The following RARB variants were observed in gnomAD, a reference collection of about 807,000 sequenced individuals.
RARB encodes the protein retinoic acid receptor beta, also known as HBV-activated protein.
RARB carries 17 observed loss-of-function variants against 51.9 expected under a neutral mutation model. The ratio of observed to expected loss-of-function variants is 0.33; its 90% CI spans 0.22 to 0.49. The LOEUF (loss-of-function observed/expected upper bound fraction) is 0.49, where lower values mean the gene tolerates loss of function less well. Among genes scored for constraint, RARB ranks in the 20% least tolerant of loss-of-function variants. The pLI is 0.99. For missense variants in RARB, 369 were observed against 550.8 expected, an observed-to-expected ratio of 0.67 and a Z score of 3.30; for synonymous variants, 215 against 195.4, an observed-to-expected ratio of 1.10 and a Z score of -0.84.
intron 3 of RARB, among the ~76,000 whole-genome samples, chr3:25,065,698 G>T (rs929336486): frequency 2.6e-5 from 4 of 152,168 alleles, no homozygotes; most frequent in Non-Finnish European, 5.9e-5. Context: ...ATGACACTTC[G>T]TACCATATCT....
intron 5 of RARB, among the ~76,000 whole-genome samples, chr3:25,308,990 G>C (rs745362463): frequency 4.6e-5 from 7 of 151,920 alleles, no homozygotes; most frequent in Admixed American, 2.6e-4. Flanking sequence ...ATTCACCTTT[G>C]GGGAAACCAC....
chr3:25,425,252 T>C (rs192825158), upstream of RARB, among the ~76,000 whole-genome samples: 78 of 152,314 alleles, frequency 5.1e-4, 2 homozygotes, highest in Middle Eastern at 6.8e-3. Context: ...ACCCTACTCA[T>C]TAATCTTTAT....
intron 5 of RARB, among the ~76,000 whole-genome samples, chr3:25,412,164 G>T (rs1334058971): frequency 6.6e-6 from 1 of 152,138 alleles, no homozygotes; most frequent in Non-Finnish European, 1.5e-5. Context: ...TTGGGGACTG[G>T]ACAGCAGACA....
chr3:25,270,471 A>G (rs1289272362), intron 5 of RARB, among the ~76,000 whole-genome samples: 1 of 152,172 alleles, frequency 6.6e-6, no homozygotes, highest in Non-Finnish European at 1.5e-5. Flanking sequence ...TTAAAATGGT[A>G]AAAATGTTAT....
chr3:24,976,428 T>C (rs890142950), intron 2 of RARB, among the ~76,000 whole-genome samples: 30 of 152,114 alleles, frequency 2.0e-4, no homozygotes, highest in Admixed American at 2.6e-4. Context: ...CTCTCCAGCG[T>C]CTGTTGTTTC....
At chr3:25,140,214 G>C (rs951659465) in intron 4 of RARB, among the ~76,000 whole-genome samples, 2 of 152,260 alleles carry the variant, frequency 1.3e-5, no homozygotes, top group Middle Eastern at 6.8e-3. Flanking sequence ...AGCTGCCATA[G>C]ATAGTGATTT....
At chr3:25,140,573 G>A (rs907162871) in intron 4 of RARB, among the ~76,000 whole-genome samples, 2 of 152,240 alleles carry the variant, frequency 1.3e-5, no homozygotes, top group East Asian at 1.9e-4. Flanking sequence ...ATATATTCCT[G>A]GTGAAGATGC....
chr3:25,125,150 AC>A (rs1216505083), intron 3 of RARB, among the ~76,000 whole-genome samples: 1 of 152,192 alleles, frequency 6.6e-6, no homozygotes, highest in Non-Finnish European at 1.5e-5. Flanking sequence ...AACACACTCT[AC>A]CCAGACACAT....
chr3:25,218,173 C>T (rs1470731501), intron 5 of RARB, among the ~76,000 whole-genome samples: 1 of 152,160 alleles, frequency 6.6e-6, no homozygotes, highest in Non-Finnish European at 1.5e-5. Context: ...GTGCTGTGGG[C>T]TCCCCAGGCA....
At chr3:24,969,174 G>C (rs1420901460) in intron 2 of RARB, among the ~76,000 whole-genome samples, 1 of 152,066 alleles carries the variant, frequency 6.6e-6, no homozygotes, top group Non-Finnish European at 1.5e-5. Context: ...AGAAGTGTTT[G>C]TATTTGCCAG....
chr3:25,407,254 G>C lies in RARB; in HGVS notation c.179-53939G>C, dbSNP rs566661846. Reference sequence around the variant, plus strand: ...TAGACGTCACTACAAACAAACAGACGGGGGTACTAGGCAGCATGGTAGTCA... The same window carrying C: ...TAGACGTCACTACAAACAAACAGACCGGGGTACTAGGCAGCATGGTAGTCA... On this transcript the variant is annotated intron_variant, in intron 5 of 11. Transcript: ENST00000383772. Among the ~76,000 whole-genome samples the C allele has an allele frequency of 3.4e-3, 524 of 152,254 alleles. 4 individuals are homozygous for C. The highest frequency in any genetic ancestry group is 0.012 in the African/African-American group (508 of 41,542).
intron 5 of RARB, among the ~76,000 whole-genome samples, chr3:25,230,597 G>A (rs534760949): frequency 6.6e-6 from 1 of 151,666 alleles, no homozygotes; most frequent in Non-Finnish European, 1.5e-5. Flanking sequence ...TAGTATTCAC[G>A]ATGTGTCAGG....
intron 2 of RARB, among the ~76,000 whole-genome samples, chr3:24,974,851 G>A (rs929642168): frequency 2.6e-5 from 4 of 152,108 alleles, no homozygotes; most frequent in Admixed American, 2.0e-4. Context: ...AGACATAGCC[G>A]GAAGCTTCAT....
At chr3:25,569,682 G>T in intron 3 of RARB, 76 bp from the exon 4 acceptor site, 1 of 1,493,586 alleles carries the variant, frequency 6.7e-7, no homozygotes, top group Non-Finnish European at 9.0e-7. Flanking sequence ...GCAGCCTTGG[G>T]AGGTGGAACC....
chr3:24,846,466 A>G (rs1435394415), intron 1 of RARB, among the ~76,000 whole-genome samples: 13 of 152,252 alleles, frequency 8.5e-5, no homozygotes. Context: ...GCAACAGTGA[A>G]GTAGAGGTAG....
At chr3:25,307,523 G>A (rs147006757) in intron 5 of RARB, among the ~76,000 whole-genome samples, 20 of 152,246 alleles carry the variant, frequency 1.3e-4, no homozygotes, top group African/African-American at 4.6e-4. Context: ...CACAGTTTTT[G>A]TTTTCCAACA....
At chr3:25,560,600 A>G (rs1218335425) in intron 3 of RARB, among the ~76,000 whole-genome samples, 1 of 152,198 alleles carries the variant, frequency 6.6e-6, no homozygotes, top group East Asian at 1.9e-4. Flanking sequence ...TGGAAGCTTA[A>G]TAACTGACAG....
At chr3:24,966,261 G>A (rs570220798) in intron 2 of RARB, among the ~76,000 whole-genome samples, 1 of 152,130 alleles carries the variant, frequency 6.6e-6, no homozygotes, top group Non-Finnish European at 1.5e-5. Flanking sequence ...GAAAGAGACT[G>A]TTAGGTCAGC....
chr3:24,860,022 C>T (rs1200342748), intron 2 of RARB, among the ~76,000 whole-genome samples: 1 of 152,128 alleles, frequency 6.6e-6, no homozygotes, highest in African/African-American at 2.4e-5. Context: ...GTTTGCTGAC[C>T]TACCTTTACA....
Sources: gnomAD v4.1 joint callset for allele counts (sites outside exome capture counted in the v4.1 genomes callset) on GRCh38, gnomAD v4.1.1 for gene constraint, MANE v1.5 for transcripts, NCBI Gene and HGNC (gene_info 2026-07-23, HGNC 2026-07-21) for gene names.